Variants in ZCCHC7 observed in about 807,000 individuals in gnomAD.
The protein encoded by ZCCHC7 is zinc finger CCHC domain-containing protein 7.
A neutral mutation model predicts 52.0 loss-of-function variants in ZCCHC7; 35 were observed. The observed-to-expected ratio is 0.67, with a 90% CI of 0.51 to 0.89. The LOEUF (loss-of-function observed/expected upper bound fraction) is 0.89. Ranked by LOEUF, ZCCHC7 falls within the 40% of genes least tolerant of loss-of-function variation. ZCCHC7 has a pLI of 0.00. For missense variants in ZCCHC7, 574 were observed against 649.1 expected (o/e 0.88, Z 1.26); for synonymous variants, 217 against 221.5 (o/e 0.98, Z 0.18).
In ZCCHC7 at chr9:37,305,575, G is replaced by C; in HGVS notation, c.812G>C (p.Arg271Thr). The C allele has an allele frequency of 6.2e-7, 1 of 1,614,032 alleles. No individual in the cohort carries two copies. The highest frequency in any genetic ancestry group is 8.5e-7 in the Non-Finnish European group (1 of 1,179,988). The change falls in exon 5 of 9, where the codon AGA becomes ACA. Residue 271 changes from arginine to threonine, a missense_variant. Physicochemically the swap from Arg to Thr is moderately conservative, Grantham distance 71. Coordinates refer to ENST00000336755, the MANE Select transcript of ZCCHC7 (RefSeq NM_032226.3). The part of the protein sequence containing the change: ...KVRRCFLCSR[R>T]GHLLYSCPAP... ...CGTCGCTGCTTCCTGTGCTCCAGGA[G>C]AGGACATCTCCTGTATTCCTGTCCA...
intron 2 of ZCCHC7, among the ~76,000 whole-genome samples, chr9:37,143,595 G>A (rs905714028): frequency 6.6e-6 from 1 of 151,426 alleles, no homozygotes; most frequent in Admixed American, 6.6e-5. Flanking sequence ...TACCCAAAAT[G>A]CCGCCACCTA....
intron 6 of ZCCHC7, among the ~76,000 whole-genome samples, chr9:37,348,443 G>A (rs1203492719): frequency 6.7e-6 from 1 of 149,394 alleles, no homozygotes; most frequent in Admixed American, 6.7e-5. Flanking sequence ...GCATTGGTGC[G>A]ATCTTGGCTC....
intron 2 of ZCCHC7, among the ~76,000 whole-genome samples, chr9:37,175,555 A>G (rs190405201): frequency 6.6e-6 from 1 of 152,158 alleles, no homozygotes; most frequent in East Asian, 1.9e-4. Flanking sequence ...CTCCCCGCAC[A>G]CCGCAGCCCA....
rs952303158 is a variant in ZCCHC7 at position 37,313,074 on chromosome 9, T to A, written c.951+7360T>A. Among the ~76,000 whole-genome samples the A allele has an allele frequency of 6.6e-5, 10 of 152,216 alleles. No individual in the cohort carries two copies. The South Asian group carries it at 1.9e-3, about 28-fold the overall frequency. ...TGGTATGTACTTTCAGATAAATATG[T>A]AGTTCTGCTGACAGTGTGCATTACA... On this transcript the variant is annotated intron_variant, in intron 5 of 8. Transcript: ENST00000336755.
intron 2 of ZCCHC7, among the ~76,000 whole-genome samples, chr9:37,278,593 T>C (rs1827800885): frequency 6.6e-6 from 1 of 152,192 alleles, no homozygotes; most frequent in African/African-American, 2.4e-5. Flanking sequence ...AAAGAGATAA[T>C]GGGAGAGAAT....
intron 2 of ZCCHC7, among the ~76,000 whole-genome samples, chr9:37,271,379 AT>A (rs1177655333): frequency 6.6e-6 from 1 of 152,198 alleles, no homozygotes; most frequent in Admixed American, 6.5e-5. Context: ...GGGAAGAAAT[AT>A]GGAAGGGGGA....
intron 2 of ZCCHC7, among the ~76,000 whole-genome samples, chr9:37,246,723 C>G (rs1826095579): frequency 6.6e-6 from 1 of 152,066 alleles, no homozygotes; most frequent in South Asian, 2.1e-4. Flanking sequence ...TCTACAGATT[C>G]AACTAACCAT....
chr9:37,227,548 A>G (rs1229566958), intron 2 of ZCCHC7, among the ~76,000 whole-genome samples: 1 of 152,182 alleles, frequency 6.6e-6, no homozygotes, highest in Non-Finnish European at 1.5e-5. Flanking sequence ...TTTTCTAAAT[A>G]TATACCTTAC....
intron 1 of ZCCHC7, among the ~76,000 whole-genome samples, chr9:37,123,224 TGC>T (rs997149836): frequency 4.0e-5 from 5 of 124,960 alleles, no homozygotes; most frequent in African/African-American, 1.3e-4. Flanking sequence ...TGTGTGTGTG[TGC>T]GTGTGCGTGT....
intron 1 of ZCCHC7, among the ~76,000 whole-genome samples, chr9:37,124,194 CT>C (rs1030226014): frequency 6.6e-6 from 1 of 152,036 alleles, no homozygotes; most frequent in African/African-American, 2.4e-5. Flanking sequence ...CATTATTGCT[CT>C]TTAGGCTGTC....
At chr9:37,149,645 G>C (rs1406414788) in intron 2 of ZCCHC7, among the ~76,000 whole-genome samples, 2 of 152,094 alleles carry the variant, frequency 1.3e-5, no homozygotes, top group East Asian at 3.8e-4. Flanking sequence ...AATGATTCTA[G>C]TTCATCTGTA....
chr9:37,294,064 T>G (rs2133647479), intron 2 of ZCCHC7, among the ~76,000 whole-genome samples: 1 of 152,318 alleles, frequency 6.6e-6, no homozygotes, highest in African/African-American at 2.4e-5. Flanking sequence ...CTATTGCCAC[T>G]TATACAGTGA....
At chr9:37,307,180 G>A (rs1207789499) in intron 5 of ZCCHC7, among the ~76,000 whole-genome samples, 1 of 152,110 alleles carries the variant, frequency 6.6e-6, no homozygotes, top group East Asian at 1.9e-4. Flanking sequence ...TAAAAATGCT[G>A]TTTTGGACAC....
At chr9:37,258,695 T>G (rs1479913344) in intron 2 of ZCCHC7, among the ~76,000 whole-genome samples, 1 of 134,480 alleles carries the variant, frequency 7.4e-6, no homozygotes, top group East Asian at 2.3e-4. Flanking sequence ...GAGGCTGCAG[T>G]GAGCCGTGAT....
At chr9:37,202,964 G>C (rs1196255695) in intron 2 of ZCCHC7, among the ~76,000 whole-genome samples, 2 of 152,234 alleles carry the variant, frequency 1.3e-5, no homozygotes, top group African/African-American at 4.8e-5. Flanking sequence ...AGTAATGTAA[G>C]TTATTGACAA....
At chr9:37,288,463 T>C (rs1828369329) in intron 2 of ZCCHC7, among the ~76,000 whole-genome samples, 10 of 151,818 alleles carry the variant, frequency 6.6e-5, no homozygotes, top group Admixed American at 6.6e-4. Flanking sequence ...TAATAGAAGG[T>C]AGAACTTTTA....
At chr9:37,131,297 G>A (rs953274629) in intron 2 of ZCCHC7, among the ~76,000 whole-genome samples, 1 of 149,300 alleles carries the variant, frequency 6.7e-6, no homozygotes, top group Non-Finnish European at 1.5e-5. Flanking sequence ...CCGAGATAGC[G>A]CCACTGCACT....
Position 37,303,632 on chromosome 9 carries a change from C to T in ZCCHC7, c.655-556C>T, listed in dbSNP as rs923805740. Among the ~76,000 whole-genome samples the T allele has an allele frequency of 2.1e-5, 3 of 144,798 alleles. No homozygotes were observed. In the South Asian group the frequency reaches 6.4e-4, roughly 31 times the overall value. 95.0% of individuals were successfully genotyped at this position (144,798 alleles called of 152,430 possible). A position where few individuals can be genotyped will look rare whatever the true frequency, so the allele number is the denominator to read the frequency against. On this transcript the variant is annotated intron_variant, in intron 3 of 8. Transcript: ENST00000336755. ...AAGCAGTAGAGTTACCTTTATGGCA[C>T]CTCCTTTTATGTTTTTCTACCTCTT...
intron 6 of ZCCHC7, among the ~76,000 whole-genome samples, chr9:37,348,343 G>GTTCTTTCTTTCTTTCTTTCT (rs768829753): frequency 0.014 from 1,446 of 99,950 alleles, 36 homozygotes; most frequent in African/African-American, 0.046. Flanking sequence ...AGTGATACCA[G>GTTCTTTCTTTCTTTCTTTCT]TTCGTTCTTT....
Sources: gnomAD v4.1 joint callset for allele counts (sites outside exome capture counted in the v4.1 genomes callset) on GRCh38, gnomAD v4.1.1 for gene constraint, MANE v1.5 for transcripts, NCBI Gene and HGNC (gene_info 2026-07-23, HGNC 2026-07-21) for gene names.